SNX29: variants seen among roughly 807,000 people sequenced by gnomAD.
SNX29 encodes the protein sorting nexin 29.
Under a neutral mutation model 102.1 loss-of-function variants are expected in SNX29, and 78 were observed. The ratio of observed to expected loss-of-function variants is 0.76; its 90% CI spans 0.64 to 0.92. SNX29 has a LOEUF of 0.92. Ranked by LOEUF, SNX29 falls within the 40% of genes least tolerant of loss-of-function variation. The pLI, the probability that SNX29 is intolerant of heterozygous loss-of-function variation, is 0.00. For synonymous variants in SNX29, 580 were observed against 414.5 expected (o/e 1.40, Z -4.85); for missense variants, 1,280 against 1,061.7 (o/e 1.21, Z -2.86).
At chr16:12,554,648 A>C (rs577770567) in intron 20 of SNX29, among the ~76,000 whole-genome samples, 8 of 152,280 alleles carry the variant, frequency 5.3e-5, no homozygotes, top group African/African-American at 1.2e-4. Flanking sequence ...AGGTTTCACC[A>C]GTTTGTGCAT....
At chr16:12,226,544 A>G (rs2142156975) in intron 14 of SNX29, among the ~76,000 whole-genome samples, 1 of 148,648 alleles carries the variant, frequency 6.7e-6, no homozygotes, top group Admixed American at 6.7e-5. Flanking sequence ...TTGGGTTTCC[A>G]GGGGAGCTGA....
At chr16:12,557,442 A>G (rs187499995) in intron 20 of SNX29, 2 of 152,002 alleles carry the variant, frequency 1.3e-5, no homozygotes, top group Admixed American at 6.6e-5. Context: ...GCTCACTGCA[A>G]CCTCCTCCTC....
At chr16:12,207,790 C>T (rs11644280) in intron 14 of SNX29, among the ~76,000 whole-genome samples, 32,602 of 152,034 alleles carry the variant, frequency 0.21, 3,630 homozygotes, top group African/African-American at 0.27. Flanking sequence ...GTGCTTGCTA[C>T]GAGCAGTAAG....
intron 16 of SNX29, among the ~76,000 whole-genome samples, chr16:12,364,889 C>G (rs80015990): frequency 6.6e-6 from 1 of 152,214 alleles, no homozygotes; most frequent in African/African-American, 2.4e-5. Flanking sequence ...CACCTCCGCT[C>G]TCTCACTTGT....
intron 20 of SNX29, among the ~76,000 whole-genome samples, chr16:12,566,142 T>C (rs1227299622): frequency 1.3e-5 from 2 of 152,204 alleles, no homozygotes; most frequent in East Asian, 3.9e-4. Context: ...GGCAGGCATT[T>C]GCCTACAGAA....
intron 19 of SNX29, among the ~76,000 whole-genome samples, chr16:12,478,996 T>C (rs772947454): frequency 1.6e-4 from 25 of 152,168 alleles, no homozygotes; most frequent in Non-Finnish European, 3.7e-4. Context: ...TTTCTCAGGA[T>C]GTGTAAGACA....
At chr16:12,340,459 A>T (rs2081579153) in intron 15 of SNX29, among the ~76,000 whole-genome samples, 2 of 152,226 alleles carry the variant, frequency 1.3e-5, no homozygotes, top group African/African-American at 2.4e-5. Context: ...CAGTGTCTAG[A>T]CAGTGCTTGG....
At chr16:12,469,052 C>G (rs1040744789) in intron 18 of SNX29, among the ~76,000 whole-genome samples, 2 of 152,124 alleles carry the variant, frequency 1.3e-5, no homozygotes, top group African/African-American at 4.8e-5. Flanking sequence ...GTTACGGTAC[C>G]ACGGTTCCAG....
At chr16:12,541,650 G>C (rs563468250) in intron 20 of SNX29, among the ~76,000 whole-genome samples, 1 of 152,270 alleles carries the variant, frequency 6.6e-6, no homozygotes, top group South Asian at 2.1e-4. Context: ...CGTTCAGCCA[G>C]CTCCTAATGC....
intron 13 of SNX29, among the ~76,000 whole-genome samples, chr16:12,197,824 T>C (rs180791096): frequency 6.6e-6 from 1 of 151,640 alleles, no homozygotes; most frequent in Admixed American, 6.6e-5. Context: ...AGGTGATGCC[T>C]GAGTCTATGG....
At chr16:12,025,374 G>A (rs1471019960) in intron 3 of SNX29, among the ~76,000 whole-genome samples, 2 of 149,458 alleles carry the variant, frequency 1.3e-5, no homozygotes, top group East Asian at 1.9e-4. Context: ...ATAATTAAGA[G>A]TGATATCTGC....
At position 12,574,030 on chromosome 16, in the gene SNX29, A is replaced by C. The variant is rs1203444726; in HGVS notation, c.*5401A>C. ...TTAAGGGTAAGCAGGCCACATATCT[A>C]GAGTCTGATAGTCTGTGTGTACATA... On this transcript the variant is annotated 3_prime_UTR_variant, in exon 21 of 21. Transcript: ENST00000566228. 1 of 194,962 alleles carries C rather than the reference A, an allele frequency of 5.1e-6. No homozygotes were observed. The highest frequency in any genetic ancestry group is 2.3e-5 in the African/African-American group (1 of 43,218). The allele number at this position is 194,962 out of a possible 1,614,324, so 12.1% of individuals were successfully genotyped here.
chr16:12,087,904 C>T (rs1384690889), intron 11 of SNX29: 3 of 456,682 alleles, frequency 6.6e-6, no homozygotes, highest in Middle Eastern at 3.2e-4. Flanking sequence ...CTGATTCCTG[C>T]TGGTGGAGCT....
At chr16:12,315,844 G>A (rs972592371) in intron 15 of SNX29, among the ~76,000 whole-genome samples, 4 of 152,184 alleles carry the variant, frequency 2.6e-5, no homozygotes, top group Non-Finnish European at 5.9e-5. Context: ...TGTCACCCCT[G>A]CTCTATAGGA....
At chr16:12,228,041 TTAGG>T (rs1439287187) in intron 14 of SNX29, among the ~76,000 whole-genome samples, 5 of 151,836 alleles carry the variant, frequency 3.3e-5, no homozygotes, top group Non-Finnish European at 7.4e-5. Flanking sequence ...TTCCAGAGAC[TTAGG>T]TAGGAGGATC....
chr16:12,305,544 G>A (rs1403455092), intron 15 of SNX29, among the ~76,000 whole-genome samples: 1 of 152,122 alleles, frequency 6.6e-6, no homozygotes, highest in Non-Finnish European at 1.5e-5. Context: ...GTGGTCCTGA[G>A]CCTGTCCTCA....
At chr16:12,443,194 C>T (rs767420060) in intron 18 of SNX29, 3 of 359,946 alleles carry the variant, frequency 8.3e-6, no homozygotes, top group Non-Finnish European at 1.6e-5. Flanking sequence ...GGAAGCTGCT[C>T]AGTAGATCCT....
chr16:12,103,000 T>A (rs1357304236), intron 11 of SNX29, among the ~76,000 whole-genome samples: 1 of 152,182 alleles, frequency 6.6e-6, no homozygotes, highest in East Asian at 1.9e-4. Context: ...TTACAAGGGA[T>A]GTGAAGGACC....
intron 3 of SNX29, among the ~76,000 whole-genome samples, chr16:12,006,332 G>C (rs1225951866): frequency 6.6e-6 from 1 of 151,452 alleles, no homozygotes; most frequent in South Asian, 2.1e-4. Flanking sequence ...CCTGACCAAC[G>C]TGGAGAAACC....
Sources: gnomAD v4.1 joint callset for allele counts (sites outside exome capture counted in the v4.1 genomes callset) on GRCh38, gnomAD v4.1.1 for gene constraint, MANE v1.5 for transcripts, NCBI Gene and HGNC (gene_info 2026-07-23, HGNC 2026-07-21) for gene names.